Variants in CAPN8 observed in about 807,000 individuals in gnomAD.
CAPN8 encodes the protein calpain-8.
In CAPN8, 87 loss-of-function variants were observed where a neutral mutation model predicts 80.9. The observed-to-expected ratio is 1.07, with a 90% CI of 0.90 to 1.28. The LOEUF is 1.28. Among genes scored for constraint, CAPN8 ranks in the 50% most tolerant of loss-of-function variants. The pLI, the probability that CAPN8 is intolerant of heterozygous loss-of-function variation, is 0.00. For missense variants in CAPN8, 757 were observed against 702.0 expected (o/e 1.08, Z -0.89); for synonymous variants, 299 against 273.8 (o/e 1.09, Z -0.91).
At chr1:223,661,600 G>A (rs9887931) in intron 1 of CAPN8, among the ~76,000 whole-genome samples, 455 of 152,194 alleles carry the variant, frequency 3.0e-3, no homozygotes, top group African/African-American at 0.01. Flanking sequence ...ATTGTACTCC[G>A]GCCTGGGTGA....
intron 2 of CAPN8, among the ~76,000 whole-genome samples, chr1:223,647,729 C>A (rs1427387001): frequency 6.6e-6 from 1 of 151,792 alleles, no homozygotes; most frequent in Non-Finnish European, 1.5e-5. Flanking sequence ...ATGCTTCAGA[C>A]AAAAAATAGG....
chr1:223,615,249 C>T (rs1657136507), intron 10 of CAPN8, among the ~76,000 whole-genome samples: 2 of 152,154 alleles, frequency 1.3e-5, no homozygotes, highest in Non-Finnish European at 2.9e-5. Flanking sequence ...TTAAAAATGG[C>T]CACCATGAGC....
intron 2 of CAPN8, among the ~76,000 whole-genome samples, chr1:223,630,299 G>A (rs1191284852): frequency 1.4e-5 from 2 of 147,060 alleles, no homozygotes; most frequent in Non-Finnish European, 3.1e-5. Flanking sequence ...CCGCTCACTC[G>A]CTCTCTCTCT....
At chr1:223,637,547 G>C (rs1657935258) in intron 2 of CAPN8, among the ~76,000 whole-genome samples, 1 of 152,118 alleles carries the variant, frequency 6.6e-6, no homozygotes, top group African/African-American at 2.4e-5. Context: ...ACCCTAGCAG[G>C]ATCCTCTGTT....
chr1:223,543,921 G>C, intron 19 of CAPN8, 146 bp downstream of exon 19: 2 of 612,152 alleles, frequency 3.3e-6, no homozygotes, highest in Non-Finnish European at 5.9e-6. Flanking sequence ...CGCCCCCAAG[G>C]TGCCAGCATT....
At chr1:223,545,989 A>ATTTTT (rs35357819) in intron 16 of CAPN8, among the ~76,000 whole-genome samples, 1 of 111,420 alleles carries the variant, frequency 9.0e-6, no homozygotes, top group Non-Finnish European at 1.8e-5. Context: ...TACTCCACTA[A>ATTTTT]TTTTTTTTTT....
At chr1:223,635,132 T>G (rs1657881258) in intron 2 of CAPN8, among the ~76,000 whole-genome samples, 1 of 152,226 alleles carries the variant, frequency 6.6e-6, no homozygotes, top group African/African-American at 2.4e-5. Flanking sequence ...AAAATCTGTC[T>G]TCAATATTTT....
At position 223,541,706 on chromosome 1, in the gene CAPN8, A is replaced by G; in HGVS notation, c.*130T>C. 3 of 1,437,350 alleles carry G rather than the reference A, an allele frequency of 2.1e-6. No homozygotes were observed. Among genetic ancestry groups the G allele is most frequent in the Non-Finnish European group, 2.9e-6 (3 of 1,045,324 alleles). The allele number at this position is 1,437,350 out of a possible 1,614,324, so 89.0% of individuals were successfully genotyped here. On this transcript the variant is annotated 3_prime_UTR_variant, in exon 21 of 21. Transcript: ENST00000366872. ...TCATAGCTCAGTGCTGCTGAAATAG[A>G]CCCAGGGCAAGAAAGGTATGAACAA...
chr1:223,663,180 G>A lies in CAPN8; in HGVS notation c.237+2230C>T, dbSNP rs542296741. On this transcript the variant is annotated intron_variant, in intron 1 of 20. Transcript: ENST00000366872. ...TCAGCACATCCAGTCTACAATTACCGCATTTCCACAGACCACGAGGACAGG... is the reference window on the plus strand; with the variant it reads ...TCAGCACATCCAGTCTACAATTACCACATTTCCACAGACCACGAGGACAGG... Among the ~76,000 whole-genome samples the A allele has an allele frequency of 1.9e-4, 29 of 152,262 alleles. No individual in the cohort carries two copies. In the South Asian group the frequency reaches 4.6e-3, roughly 24 times the overall value.
At chr1:223,622,123 A>C (rs1002375416) in intron 7 of CAPN8, among the ~76,000 whole-genome samples, 2 of 152,020 alleles carry the variant, frequency 1.3e-5, no homozygotes, top group Non-Finnish European at 2.9e-5. Context: ...GCTAATTCTA[A>C]TTCCTCCCCC....
chr1:223,612,931 A>G (rs916237032), intron 10 of CAPN8, among the ~76,000 whole-genome samples: 104 of 152,296 alleles, frequency 6.8e-4, no homozygotes, highest in African/African-American at 2.5e-3. Context: ...ATTTGGTTTC[A>G]TGAGCTGGTA....
intron 9 of CAPN8, chr1:223,618,164 G>A: frequency 2.0e-6 from 3 of 1,465,514 alleles, no homozygotes; most frequent in Non-Finnish European, 2.8e-6. Flanking sequence ...TGGGGAGCAG[G>A]AGGTGAAAAG....
chr1:223,654,354 T>G lies in CAPN8; in HGVS notation c.283A>C (p.Thr95Pro). 6.4e-7 allele frequency: 1 copy of G among 1,551,622 alleles called. No individual in the cohort carries two copies. Among genetic ancestry groups the G allele is most frequent in the East Asian group, 2.4e-5 (1 of 40,916 alleles). ...PQFIVGGATR[T>P]DICQGGLGDC... ...CCTAGACCACCCTGACAAATGTCTG[T>G]GCGCGTGGCTCCACCAACGATAAAC... Residue 95 changes from threonine to proline, a missense_variant, in exon 2 of 21, where the codon ACA (threonine) becomes CCA (proline). Thr to Pro is a conservative substitution (Grantham distance 38). Transcript: ENST00000366872.
Position 223,620,417 on chromosome 1 carries a change from C to T in CAPN8, c.900-151G>A, listed in dbSNP as rs148948002. On this transcript the variant is annotated intron_variant, in intron 7 of 20. Transcript: ENST00000366872. Reference sequence around the variant, plus strand: ...GAAAGGCAGAATGGACAGTGTGGCGCGAGCACACTGTCTGGGGAAGGGACA... The same window carrying T: ...GAAAGGCAGAATGGACAGTGTGGCGTGAGCACACTGTCTGGGGAAGGGACA... Among the ~76,000 whole-genome samples the T allele has an allele frequency of 1.2e-4, 19 of 152,260 alleles. No homozygotes were observed. In the East Asian group the frequency reaches 2.5e-3, roughly 20 times the overall value.
intron 1 of CAPN8, among the ~76,000 whole-genome samples, chr1:223,660,085 G>A (rs569361497): frequency 1.3e-5 from 2 of 152,256 alleles, no homozygotes; most frequent in South Asian, 4.1e-4. Context: ...TCCAAGCTGA[G>A]GCCTGTCACC....
intron 16 of CAPN8, among the ~76,000 whole-genome samples, chr1:223,546,366 A>C (rs761193601): frequency 9.2e-5 from 14 of 152,330 alleles, no homozygotes; most frequent in Middle Eastern, 3.4e-3. Context: ...ACTGCACTCC[A>C]GCCTGGGCAA....
At chr1:223,649,036 C>A (rs1658270372) in intron 2 of CAPN8, among the ~76,000 whole-genome samples, 1 of 152,208 alleles carries the variant, frequency 6.6e-6, no homozygotes, top group Non-Finnish European at 1.5e-5. Context: ...ATTCAAAAAG[C>A]ACTCTAATTT....
intron 1 of CAPN8, among the ~76,000 whole-genome samples, chr1:223,661,056 C>T (rs939111193): frequency 6.6e-6 from 1 of 151,294 alleles, no homozygotes; most frequent in Non-Finnish European, 1.5e-5. Context: ...GTCACAGTTA[C>T]TTGGGAGGCT....
At chr1:223,662,331 C>T (rs1020992349) in intron 1 of CAPN8, among the ~76,000 whole-genome samples, 2 of 152,086 alleles carry the variant, frequency 1.3e-5, no homozygotes, top group Non-Finnish European at 2.9e-5. Context: ...TGCCTGTAAT[C>T]CCAGCTACTC....
Sources: gnomAD v4.1 joint callset for allele counts (sites outside exome capture counted in the v4.1 genomes callset) on GRCh38, gnomAD v4.1.1 for gene constraint, MANE v1.5 for transcripts, NCBI Gene and HGNC (gene_info 2026-07-23, HGNC 2026-07-21) for gene names.